Variants in TRIO observed in about 807,000 individuals in gnomAD.
The protein encoded by TRIO is trio Rho guanine nucleotide exchange factor.
TRIO carries 58 observed loss-of-function variants against 351.9 expected under a neutral mutation model. The observed-to-expected ratio is 0.16, with a 90% CI of 0.13 to 0.21. The LOEUF (loss-of-function observed/expected upper bound fraction) is 0.21. Ranked by LOEUF, TRIO falls within the 10% of genes least tolerant of loss-of-function variation. The pLI, the probability that TRIO is intolerant of heterozygous loss-of-function variation, is 1.00. For synonymous variants in TRIO, 1,758 were observed against 1,595.7 expected (o/e 1.10, Z -2.42); for missense variants, 3,201 against 4,027.8 (o/e 0.79, Z 5.56).
chr5:14,194,435 C>G (rs1211792369), intron 1 of TRIO, among the ~76,000 whole-genome samples: 2 of 152,192 alleles, frequency 1.3e-5, no homozygotes, highest in East Asian at 3.9e-4. Flanking sequence ...TACAGGTGCT[C>G]CATTAGGTGA....
chr5:14,291,241 G>A lies in TRIO; in HGVS notation c.1053+13G>A, dbSNP rs1479047866. The A allele has an allele frequency of 1.2e-6, 2 of 1,606,444 alleles. No homozygotes were observed. On this transcript the variant is annotated intron_variant, in intron 5 of 56. Coordinates refer to ENST00000344204, the MANE Select transcript of TRIO (RefSeq NM_007118.4). ...GGATGCTGAGAAGGTAAAGACGGGG[G>A]AGGCTAATGCCTCAGTGGACATGGG...
In TRIO at chr5:14,498,552, C is replaced by A; in HGVS notation, c.8244C>A (p.Gly2748=). ...GAGAGGCCACGCTGAAGATTGTGGG[C>A]GTGACCACGGAAGATGACGGCATCT... ...DLGEATLKIV[G]VTTEDDGIYT... is the part of the protein sequence containing the mutation. The change falls in exon 53 of 57, where the codon GGC becomes GGA. Residue 2748 remains glycine, a synonymous_variant. Coordinates refer to ENST00000344204, the MANE Select transcript of TRIO (RefSeq NM_007118.4). 10 of 1,613,718 alleles carry A rather than the reference C, an allele frequency of 6.2e-6. No individual in the cohort carries two copies. The highest frequency in any genetic ancestry group is 8.5e-6 in the Non-Finnish European group (10 of 1,179,848).
At chr5:14,272,118 T>C (rs1796012879) in intron 2 of TRIO, among the ~76,000 whole-genome samples, 1 of 152,218 alleles carries the variant, frequency 6.6e-6, no homozygotes, top group Non-Finnish European at 1.5e-5. Context: ...TCTCTAATCA[T>C]TTACTGACAA....
In TRIO at chr5:14,387,767, T is replaced by G; in HGVS notation, c.3801T>G (p.Ser1267Arg). The change falls in exon 23 of 57, where the codon AGT becomes AGG. Residue 1267 changes from serine to arginine, a missense_variant. Ser to Arg is a moderately radical substitution (Grantham distance 110, BLOSUM62 -1). Coordinates refer to ENST00000344204, the MANE Select transcript of TRIO (RefSeq NM_007118.4). Reference sequence around the variant, plus strand: ...TCCAGCTAGATATCATTCCAGCCAGTATCCCTGGCTCAGAGGTGAAACTTC... The same window carrying G: ...TCCAGCTAGATATCATTCCAGCCAGGATCCCTGGCTCAGAGGTGAAACTTC... ...KSLQLDIIPASIPGSEVKLRD... is the reference protein window; with the variant it reads ...KSLQLDIIPARIPGSEVKLRD... 1.9e-6 allele frequency: 3 copies of G among 1,614,238 alleles called. No homozygotes were observed. Among genetic ancestry groups the G allele is most frequent in the Non-Finnish European group, 2.5e-6 (3 of 1,180,022 alleles).
chr5:14,257,779 T>A (rs538828381), intron 1 of TRIO, among the ~76,000 whole-genome samples: 54 of 152,358 alleles, frequency 3.5e-4, no homozygotes, highest in Non-Finnish European at 5.9e-4. Context: ...TGTCTCAGTC[T>A]GTTCTTTTAG....
chr5:14,197,504 A>G (rs1029833905), intron 1 of TRIO, among the ~76,000 whole-genome samples: 2 of 152,138 alleles, frequency 1.3e-5, no homozygotes, highest in African/African-American at 4.8e-5. Flanking sequence ...CAGTCATATC[A>G]TTAGTCAGGG....
intron 1 of TRIO, among the ~76,000 whole-genome samples, chr5:14,196,327 G>T (rs1221937197): frequency 6.6e-6 from 1 of 150,550 alleles, no homozygotes; most frequent in Non-Finnish European, 1.5e-5. Context: ...GGAGGCTGAG[G>T]CAGGAGAATC....
intron 46 of TRIO, among the ~76,000 whole-genome samples, chr5:14,484,462 G>A (rs1446004289): frequency 1.3e-5 from 2 of 152,150 alleles, no homozygotes; most frequent in African/African-American, 4.8e-5. Flanking sequence ...ATGTACCTGA[G>A]TTAAGAGGCA....
chr5:14,454,637 T>A (rs114184626), intron 34 of TRIO, among the ~76,000 whole-genome samples: 116 of 152,320 alleles, frequency 7.6e-4, no homozygotes, highest in African/African-American at 2.6e-3. Context: ...GCTCCAGGTG[T>A]ATGCCACGCT....
At chr5:14,240,754 CAAGACCTCA>C (rs1440483583) in intron 1 of TRIO, among the ~76,000 whole-genome samples, 3 of 152,182 alleles carry the variant, frequency 2.0e-5, no homozygotes, top group Non-Finnish European at 4.4e-5. Flanking sequence ...AAGTTCTAAA[CAAGACCTCA>C]ATTGTCAATA....
chr5:14,379,488 T>C (rs1295496440), intron 20 of TRIO, among the ~76,000 whole-genome samples: 1 of 152,168 alleles, frequency 6.6e-6, no homozygotes, highest in Non-Finnish European at 1.5e-5. Flanking sequence ...GGTCCTTCTC[T>C]CCTCCTGGTG....
chr5:14,445,109 T>C (rs1203812502), intron 34 of TRIO, among the ~76,000 whole-genome samples: 1 of 152,162 alleles, frequency 6.6e-6, no homozygotes, highest in Non-Finnish European at 1.5e-5. Flanking sequence ...TTCCTCCAGG[T>C]GCTCAAAGTT....
At chr5:14,339,945 A>G (rs1466831732) in intron 11 of TRIO, among the ~76,000 whole-genome samples, 1 of 152,246 alleles carries the variant, frequency 6.6e-6, no homozygotes, top group Non-Finnish European at 1.5e-5. Context: ...GGCCTAGAAG[A>G]GGAAATCATG....
At position 14,387,515 on chromosome 5, in the gene TRIO, G is replaced by C. The variant is rs1306390691; in HGVS notation, c.3648G>C (p.Glu1216Asp). 1.2e-6 allele frequency: 2 copies of C among 1,614,222 alleles called. No individual in the cohort carries two copies. Reference protein sequence around the residue: ...FCEKGHAHAAEIKKCVTAVDK... With the variant: ...FCEKGHAHAADIKKCVTAVDK... ...AAAAAGGGCATGCCCATGCGGCAGA[G>C]ATAAAAAAATGTGTTACTGCTGTGG... The change falls in exon 22 of 57, where the codon GAG (glutamate) becomes GAC (aspartate). Residue 1216 changes from glutamate to aspartate, a missense_variant. Physicochemically the swap from Glu to Asp is conservative, Grantham distance 45. Coordinates refer to ENST00000344204, the MANE Select transcript of TRIO (RefSeq NM_007118.4).
At chr5:14,220,480 A>G (rs1792547669) in intron 1 of TRIO, among the ~76,000 whole-genome samples, 1 of 152,244 alleles carries the variant, frequency 6.6e-6, no homozygotes, top group Non-Finnish European at 1.5e-5. Flanking sequence ...TGTTAAATCA[A>G]AAGCTAGAAA....
intron 1 of TRIO, among the ~76,000 whole-genome samples, chr5:14,268,725 G>A (rs181274800): frequency 3.0e-4 from 45 of 152,284 alleles, no homozygotes; most frequent in Non-Finnish European, 5.7e-4. Context: ...ATAGCACTTC[G>A]TGCTGCCTAT....
chr5:14,245,441 C>A (rs148640871), intron 1 of TRIO, among the ~76,000 whole-genome samples: 4 of 152,178 alleles, frequency 2.6e-5, no homozygotes, highest in Admixed American at 2.0e-4. Context: ...CTTCATTCCC[C>A]TCCTCCACTT....
chr5:14,416,721 T>C (rs60123555), intron 33 of TRIO, among the ~76,000 whole-genome samples: 20,252 of 152,218 alleles, frequency 0.13, 2,200 homozygotes, highest in African/African-American at 0.3. Flanking sequence ...ATCCTCCTTC[T>C]TCGGCAGCCC....
intron 9 of TRIO, among the ~76,000 whole-genome samples, chr5:14,319,420 A>G (rs1739669254): frequency 6.6e-6 from 1 of 152,232 alleles, no homozygotes; most frequent in South Asian, 2.1e-4. Context: ...CTGAAACTCA[A>G]GGAATTAATG....
Sources: gnomAD v4.1 joint callset for allele counts (sites outside exome capture counted in the v4.1 genomes callset) on GRCh38, gnomAD v4.1.1 for gene constraint, MANE v1.5 for transcripts, NCBI Gene and HGNC (gene_info 2026-07-23, HGNC 2026-07-21) for gene names.